The following AGMO variants were observed in gnomAD, a reference collection of about 807,000 sequenced individuals.
AGMO encodes glyceryl-ether monooxygenase.
A neutral mutation model predicts 60.2 loss-of-function variants in AGMO; 75 were observed. The ratio of observed to expected loss-of-function variants is 1.25; its 90% CI spans 1.03 to 1.51. The LOEUF (loss-of-function observed/expected upper bound fraction) is 1.51, where lower values mean the gene tolerates loss of function less well. Among genes scored for constraint, AGMO ranks in the 40% most tolerant of loss-of-function variants. The pLI is 0.00. For missense variants in AGMO, 763 were observed against 525.5 expected (o/e 1.45, Z -4.42); for synonymous variants, 261 against 177.1 (o/e 1.47, Z -3.76).
chr7:15,327,740 C>CTTTTTTT (rs546851399), intron 12 of AGMO, among the ~76,000 whole-genome samples: 1 of 88,024 alleles, frequency 1.1e-5, no homozygotes, highest in Non-Finnish European at 2.1e-5. Context: ...TGATTTCTTT[C>CTTTTTTT]TTTTTTTTTT....
chr7:15,258,444 C>A (rs1029118815), intron 12 of AGMO, among the ~76,000 whole-genome samples: 2 of 151,794 alleles, frequency 1.3e-5, no homozygotes, highest in African/African-American at 4.8e-5. Context: ...ACTCGGGAGG[C>A]TGAGGCAGGA....
At chr7:15,282,757 T>G (rs905137289) in intron 12 of AGMO, among the ~76,000 whole-genome samples, 1 of 152,196 alleles carries the variant, frequency 6.6e-6, no homozygotes, top group East Asian at 1.9e-4. Flanking sequence ...GGAGAGTCAT[T>G]GCAAAAAGGA....
At chr7:15,529,425 T>G (rs73679644) in intron 3 of AGMO, among the ~76,000 whole-genome samples, 19 of 148,060 alleles carry the variant, frequency 1.3e-4, no homozygotes, top group African/African-American at 4.0e-4. Flanking sequence ...AGTAACTGGG[T>G]AGTTTAAAAC....
chr7:15,301,059 T>C (rs760380753), intron 12 of AGMO, among the ~76,000 whole-genome samples: 3 of 152,168 alleles, frequency 2.0e-5, no homozygotes, highest in Non-Finnish European at 4.4e-5. Context: ...CAATCATACA[T>C]TTAAGAAATC....
chr7:15,382,334 A>G (rs915770482), intron 10 of AGMO, among the ~76,000 whole-genome samples: 2 of 152,110 alleles, frequency 1.3e-5, no homozygotes, highest in Admixed American at 6.6e-5. Context: ...GATTTTGTCC[A>G]GGTATATACG....
chr7:15,126,333 A>G, the AGMO span, among the ~76,000 whole-genome samples: 2 of 152,282 alleles, frequency 1.3e-5, no homozygotes, highest in East Asian at 1.9e-4. Flanking sequence ...AAAATATGCA[A>G]GAAATGTAAT....
intron 12 of AGMO, among the ~76,000 whole-genome samples, chr7:15,242,522 A>G (rs1436610484): frequency 6.6e-6 from 1 of 152,222 alleles, no homozygotes; most frequent in Non-Finnish European, 1.5e-5. Flanking sequence ...GGTGAGGCTA[A>G]GCTGCTAACT....
At chr7:15,286,388 T>C (rs1784099668) in intron 12 of AGMO, among the ~76,000 whole-genome samples, 1 of 151,216 alleles carries the variant, frequency 6.6e-6, no homozygotes, top group East Asian at 1.9e-4. Flanking sequence ...AAAAAACAAA[T>C]AATCCCATCA....
At chr7:15,279,808 G>A (rs1428360300) in intron 12 of AGMO, among the ~76,000 whole-genome samples, 1 of 152,184 alleles carries the variant, frequency 6.6e-6, no homozygotes, top group Non-Finnish European at 1.5e-5. Context: ...TCCAGGCCAA[G>A]GGAGAAGTCT....
intron 2 of AGMO, among the ~76,000 whole-genome samples, chr7:15,551,921 A>G (rs1224417006): frequency 6.6e-6 from 1 of 151,514 alleles, no homozygotes; most frequent in Non-Finnish European, 1.5e-5. Flanking sequence ...TTCAAACTAT[A>G]CTACAAGGCT....
At chr7:15,453,665 A>T (rs1471163632) in intron 3 of AGMO, among the ~76,000 whole-genome samples, 1 of 152,206 alleles carries the variant, frequency 6.6e-6, no homozygotes. Flanking sequence ...CTAGAAGGTG[A>T]AAAACATCTG....
rs76403023 is a variant in AGMO, at chr7:15,465,186, C to T, written c.410-34078G>A. ...CCTACTTTCGACAAGCTAAGGATTA[C>T]CTATTGCGAGCCGAACTCACCAAAT... is the stretch of plus-strand genomic sequence containing the variant. On this transcript the variant is annotated intron_variant, in intron 3 of 12. Transcript: ENST00000342526. Among the ~76,000 whole-genome samples the T allele has an allele frequency of 3.9e-4, 60 of 151,948 alleles. 1 individual carries two copies. The highest frequency in any genetic ancestry group is 3.9e-3 in the Admixed American group (60 of 15,244).
At chr7:15,172,973 T>A in the AGMO span, among the ~76,000 whole-genome samples, 1 of 152,208 alleles carries the variant, frequency 6.6e-6, no homozygotes, top group African/African-American at 2.4e-5. Context: ...AGATAAGGGC[T>A]TCTCAAATAA....
intron 12 of AGMO, among the ~76,000 whole-genome samples, chr7:15,259,269 A>G (rs896312381): frequency 3.3e-5 from 5 of 151,996 alleles, no homozygotes; most frequent in African/African-American, 1.2e-4. Flanking sequence ...ATGCACTGGA[A>G]AGTCTCAGCA....
chr7:15,121,002 G>A, the AGMO span, among the ~76,000 whole-genome samples: 1 of 151,976 alleles, frequency 6.6e-6, no homozygotes, highest in Admixed American at 6.6e-5. Context: ...GCCACCGTGT[G>A]TGATGTTCCC....
the AGMO span, among the ~76,000 whole-genome samples, chr7:15,168,388 G>C: frequency 1.2e-4 from 18 of 152,206 alleles, no homozygotes; most frequent in Admixed American, 9.8e-4. Context: ...TTAATAGTTA[G>C]ATCAATGTTT....
At chr7:15,272,908 G>T (rs954954231) in intron 12 of AGMO, among the ~76,000 whole-genome samples, 2 of 152,098 alleles carry the variant, frequency 1.3e-5, no homozygotes, top group African/African-American at 4.8e-5. Flanking sequence ...ATTTTTTCAT[G>T]TGTCTGTTGG....
the AGMO span, among the ~76,000 whole-genome samples, chr7:15,188,141 A>G: frequency 6.6e-6 from 1 of 152,180 alleles, no homozygotes; most frequent in Non-Finnish European, 1.5e-5. Flanking sequence ...AGGTTCACGA[A>G]GAAGGGCGCA....
chr7:15,298,872 T>A (rs1784475675), intron 12 of AGMO, among the ~76,000 whole-genome samples: 1 of 152,168 alleles, frequency 6.6e-6, no homozygotes, highest in African/African-American at 2.4e-5. Context: ...CTGATTTTCT[T>A]ATTGTCCACC....
Sources: gnomAD v4.1 joint callset for allele counts (sites outside exome capture counted in the v4.1 genomes callset) on GRCh38, gnomAD v4.1.1 for gene constraint, MANE v1.5 for transcripts, NCBI Gene and HGNC (gene_info 2026-07-23, HGNC 2026-07-21) for gene names.